The following PPP1R12A variants were observed in gnomAD, a reference collection of about 807,000 sequenced individuals.
PPP1R12A encodes the protein protein phosphatase 1 regulatory subunit 12A, also known as myosin binding subunit.
PPP1R12A carries 19 observed loss-of-function variants against 139.6 expected under a neutral mutation model. That is an observed-to-expected ratio of 0.14 (90% CI 0.09 to 0.20). The LOEUF is 0.20. Among genes scored for constraint, PPP1R12A ranks in the 10% least tolerant of loss-of-function variants. The pLI is 1.00. For synonymous variants in PPP1R12A, 427 were observed against 420.6 expected, an observed-to-expected ratio of 1.02 and a Z score of -0.19; for missense variants, 925 against 1,211.5, an observed-to-expected ratio of 0.76 and a Z score of 3.51.
intron 1 of PPP1R12A, among the ~76,000 whole-genome samples, chr12:79,892,340 A>C (rs1372519293): frequency 6.6e-6 from 1 of 152,202 alleles, no homozygotes; most frequent in Non-Finnish European, 1.5e-5. Flanking sequence ...GAACCAAAAA[A>C]TAATAATTGT....
intron 9 of PPP1R12A, 36 bp from the exon 10 acceptor site, chr12:79,810,046 A>T (rs1874330703): frequency 6.7e-7 from 1 of 1,496,334 alleles, no homozygotes; most frequent in Non-Finnish European, 9.1e-7. Flanking sequence ...AAGAAAAAAG[A>T]ATTTGTAAAG....
intron 1 of PPP1R12A, among the ~76,000 whole-genome samples, chr12:79,898,244 G>C (rs1885308639): frequency 6.6e-6 from 1 of 152,172 alleles, no homozygotes; most frequent in South Asian, 2.1e-4. Context: ...GAGCTCAGGA[G>C]TTCAAGACCA....
At chr12:79,914,006 A>T (rs566649636) in intron 1 of PPP1R12A, 4 of 152,318 alleles carry the variant, frequency 2.6e-5, no homozygotes, top group African/African-American at 9.6e-5. Flanking sequence ...ATTTAAAAAA[A>T]TTTCCAAAAA....
At chr12:79,854,999 A>ATTC (rs975044988) in intron 2 of PPP1R12A, among the ~76,000 whole-genome samples, 8 of 151,900 alleles carry the variant, frequency 5.3e-5, no homozygotes, top group Middle Eastern at 6.8e-3. Flanking sequence ...TATTATTATT[A>ATTC]TTATTTTGAG....
At chr12:79,893,707 C>A (rs560424703) in intron 1 of PPP1R12A, among the ~76,000 whole-genome samples, 21 of 152,296 alleles carry the variant, frequency 1.4e-4, no homozygotes, top group African/African-American at 5.1e-4. Flanking sequence ...TTTTGTTAAA[C>A]AGGCAAATAA....
Position 79,868,401 on chromosome 12 carries a change from A to G in PPP1R12A, c.368+4407T>C, listed in dbSNP as rs139434978. Among the ~76,000 whole-genome samples the G allele has an allele frequency of 1.5e-3, 232 of 152,334 alleles. 1 individual carries two copies. Among genetic ancestry groups the G allele is most frequent in the South Asian group, 3.5e-3 (17 of 4,832 alleles). ...AGAGTATGCCTTGATGTGATAGTGG[A>G]AAGTTTATACTGCTTATATTAGTTT... On this transcript the variant is annotated intron_variant, in intron 2 of 24. Transcript: ENST00000450142.
At chr12:79,928,641 A>G (rs1301974883) in intron 1 of PPP1R12A, among the ~76,000 whole-genome samples, 1 of 152,212 alleles carries the variant, frequency 6.6e-6, no homozygotes, top group Non-Finnish European at 1.5e-5. Context: ...CCAAGATCTT[A>G]ACATTCTCCA....
In PPP1R12A at chr12:79,806,339, C is replaced by T. The variant is rs143177403; in HGVS notation, c.1656-6G>A. 31,541 of 1,609,710 alleles carry T rather than the reference C, an allele frequency of 0.02. 425 individuals are homozygous for T. The highest frequency in any genetic ancestry group is 0.022 in the Non-Finnish European group (26,149 of 1,176,336). On this transcript the variant is annotated splice_region_variant and splice_polypyrimidine_tract_variant and intron_variant, in intron 12 of 24. Transcript: ENST00000450142. ...GTCTTCTACCAAAGGAGCAACTAAA[C>T]AAAAGAGTCATATCTATATAGGATG...
At chr12:79,833,255 A>C (rs73349372) in intron 3 of PPP1R12A, among the ~76,000 whole-genome samples, 1 of 152,016 alleles carries the variant, frequency 6.6e-6, no homozygotes, top group Non-Finnish European at 1.5e-5. Context: ...GGGTGAGAGC[A>C]ACACCCTGTC....
intron 8 of PPP1R12A, chr12:79,819,239 A>T (rs1875789900): frequency 6.6e-6 from 1 of 152,236 alleles, no homozygotes; most frequent in Non-Finnish European, 1.5e-5. Flanking sequence ...TAGAGTTTTA[A>T]GAACCATCCA....
chr12:79,835,023 A>G (rs1288253236), intron 3 of PPP1R12A, among the ~76,000 whole-genome samples: 3 of 152,194 alleles, frequency 2.0e-5, no homozygotes, highest in African/African-American at 7.2e-5. Flanking sequence ...CATGGGAGTC[A>G]GTGGCCTGGG....
At chr12:79,892,743 T>TA (rs35935342) in intron 1 of PPP1R12A, among the ~76,000 whole-genome samples, 3 of 148,212 alleles carry the variant, frequency 2.0e-5, no homozygotes, top group African/African-American at 2.6e-5. Context: ...TAAAGTTACT[T>TA]AAAAAAAAAA....
chr12:79,789,161 G>A (rs1432921088), intron 20 of PPP1R12A, among the ~76,000 whole-genome samples: 1 of 151,920 alleles, frequency 6.6e-6, no homozygotes, highest in Non-Finnish European at 1.5e-5. Context: ...TGAACTCCTG[G>A]GCTCAAGCAA....
intron 1 of PPP1R12A, among the ~76,000 whole-genome samples, chr12:79,921,416 A>G (rs1057227092): frequency 6.6e-6 from 1 of 152,220 alleles, no homozygotes; most frequent in Non-Finnish European, 1.5e-5. Flanking sequence ...AAGGTACACT[A>G]AACAGGTACA....
intron 23 of PPP1R12A, 194 bp from the exon 24 acceptor site, chr12:79,778,794 G>A (rs1870054952): frequency 2.6e-6 from 1 of 384,338 alleles, no homozygotes; most frequent in South Asian, 7.3e-5. Flanking sequence ...TATCCTTAGA[G>A]TACAAGCTCT....
At chr12:79,889,057 T>C (rs1247237618) in intron 1 of PPP1R12A, among the ~76,000 whole-genome samples, 1 of 152,184 alleles carries the variant, frequency 6.6e-6, no homozygotes, top group East Asian at 1.9e-4. Flanking sequence ...TAAATGTCCA[T>C]CAATAAAGAA....
chr12:79,921,209 TGAG>T (rs1299559239), intron 1 of PPP1R12A, among the ~76,000 whole-genome samples: 1 of 151,884 alleles, frequency 6.6e-6, no homozygotes, highest in Non-Finnish European at 1.5e-5. Flanking sequence ...TGTATGCAAG[TGAG>T]GAGAAAACAG....
intron 1 of PPP1R12A, 89 bp from the exon 2 acceptor site, chr12:79,873,027 C>A: frequency 7.7e-7 from 1 of 1,291,808 alleles, no homozygotes; most frequent in South Asian, 1.5e-5. Flanking sequence ...TACTTTGTAG[C>A]TTTTATAATA....
At chr12:79,797,663 T>C (rs893149204) in intron 15 of PPP1R12A, among the ~76,000 whole-genome samples, 49 of 152,224 alleles carry the variant, frequency 3.2e-4, no homozygotes, top group African/African-American at 1.2e-3. Flanking sequence ...GTACTGTTTG[T>C]ATATTATAAA....
Sources: gnomAD v4.1 joint callset for allele counts (sites outside exome capture counted in the v4.1 genomes callset) on GRCh38, gnomAD v4.1.1 for gene constraint, MANE v1.5 for transcripts, NCBI Gene and HGNC (gene_info 2026-07-23, HGNC 2026-07-21) for gene names.